The following STAM variants were observed in gnomAD, a reference collection of about 807,000 sequenced individuals.
STAM encodes signal transducing adaptor molecule.
STAM carries 16 observed loss-of-function variants against 63.4 expected under a neutral mutation model. That is an observed-to-expected ratio of 0.25 (90% CI 0.17 to 0.38). The LOEUF (loss-of-function observed/expected upper bound fraction) is 0.38, where lower values mean the gene tolerates loss of function less well. Among genes scored for constraint, STAM ranks in the 10% least tolerant of loss-of-function variants. STAM has a pLI of 1.00. For missense variants in STAM, 636 were observed against 657.1 expected (o/e 0.97, Z 0.35); for synonymous variants, 238 against 223.9 (o/e 1.06, Z -0.56).
chr10:17,661,531 T>C (rs1343798767), intron 2 of STAM, among the ~76,000 whole-genome samples: 2 of 152,266 alleles, frequency 1.3e-5, no homozygotes, highest in African/African-American at 2.4e-5. Flanking sequence ...ACTAGTCTTA[T>C]GGACACTGCA....
At chr10:17,700,787 G>C (rs770033572) in intron 9 of STAM, among the ~76,000 whole-genome samples, 1 of 150,692 alleles carries the variant, frequency 6.6e-6, no homozygotes, top group Non-Finnish European at 1.5e-5. Context: ...TATTAAGATT[G>C]TTTGCACATG....
At chr10:17,657,581 C>T (rs1349579313) in intron 1 of STAM, among the ~76,000 whole-genome samples, 2 of 152,262 alleles carry the variant, frequency 1.3e-5, no homozygotes, top group African/African-American at 4.8e-5. Context: ...CACCAGTGAA[C>T]CCATCTGGGC....
chr10:17,671,356 C>G, intron 2 of STAM, among the ~76,000 whole-genome samples: 1 of 152,170 alleles, frequency 6.6e-6, no homozygotes, highest in East Asian at 1.9e-4. Context: ...TTTGTGCTTT[C>G]AAGAACTAAC....
intron 13 of STAM, among the ~76,000 whole-genome samples, chr10:17,712,761 G>A (rs1457049026): frequency 6.6e-6 from 1 of 152,202 alleles, no homozygotes; most frequent in Non-Finnish European, 1.5e-5. Flanking sequence ...ACAGGAAGTA[G>A]AGGCAGTGGA....
intron 4 of STAM, among the ~76,000 whole-genome samples, chr10:17,687,739 T>G (rs924739806): frequency 6.6e-6 from 1 of 152,222 alleles, no homozygotes; most frequent in Admixed American, 6.5e-5. Context: ...TTTCCTTGTC[T>G]TACTGATGTA....
At chr10:17,712,333 A>G (rs1836591211) in intron 13 of STAM, among the ~76,000 whole-genome samples, 1 of 152,326 alleles carries the variant, frequency 6.6e-6, no homozygotes, top group South Asian at 2.1e-4. Flanking sequence ...CATAGACTCT[A>G]TATTACGGCA....
chr10:17,698,198 C>G (rs1256849143), intron 8 of STAM, among the ~76,000 whole-genome samples: 1 of 152,108 alleles, frequency 6.6e-6, no homozygotes, highest in African/African-American at 2.4e-5. Flanking sequence ...CCCAGTCTTT[C>G]AATGATGTTT....
At chr10:17,664,222 T>C (rs1477996485) in intron 2 of STAM, among the ~76,000 whole-genome samples, 2 of 152,062 alleles carry the variant, frequency 1.3e-5, no homozygotes, top group Non-Finnish European at 2.9e-5. Flanking sequence ...AGGTGAGCAC[T>C]AAACTGTGGG....
At chr10:17,654,459 T>G (rs1833861546) in intron 1 of STAM, among the ~76,000 whole-genome samples, 1 of 152,114 alleles carries the variant, frequency 6.6e-6, no homozygotes, top group Non-Finnish European at 1.5e-5. Context: ...CCTGACCTCG[T>G]GATCCGCCCA....
chr10:17,700,073 C>A, intron 8 of STAM, 118 bp from the exon 9 acceptor site: 1 of 676,814 alleles, frequency 1.5e-6, no homozygotes, highest in Non-Finnish European at 2.3e-6. Flanking sequence ...TTAAATTGCG[C>A]CTTTTAGCTT....
At chr10:17,687,990 A>G in intron 4 of STAM, 37 bp from the exon 5 acceptor site, 6 of 1,513,512 alleles carry the variant, frequency 4.0e-6, no homozygotes, top group Admixed American at 2.2e-5. Flanking sequence ...ATTGGCTAGG[A>G]AATTGGTGCT....
At chr10:17,663,105 T>C (rs190734798) in intron 2 of STAM, among the ~76,000 whole-genome samples, 65 of 152,284 alleles carry the variant, frequency 4.3e-4, no homozygotes, top group Non-Finnish European at 8.5e-4. Context: ...AAATATTCCA[T>C]GTTTTTCCAG....
intron 6 of STAM, among the ~76,000 whole-genome samples, chr10:17,693,685 A>G (rs1165728607): frequency 3.3e-5 from 5 of 152,194 alleles, no homozygotes; most frequent in African/African-American, 9.7e-5. Context: ...TATCCAGTGT[A>G]CTAATGAGTG....
intron 2 of STAM, among the ~76,000 whole-genome samples, chr10:17,683,127 T>C (rs1022907012): frequency 3.3e-5 from 5 of 152,180 alleles, no homozygotes; most frequent in Admixed American, 1.3e-4. Flanking sequence ...CTGTCTTTTG[T>C]GTATCAATCA....
At chr10:17,700,375 G>A (rs1835939212) in intron 9 of STAM, 96 bp downstream of exon 9, 3 of 963,832 alleles carry the variant, frequency 3.1e-6, no homozygotes, top group Admixed American at 2.9e-5. Flanking sequence ...TTTTTTTGTT[G>A]TAAAAATTTT....
In STAM at chr10:17,695,100, C is replaced by G; in HGVS notation, c.587C>G (p.Thr196Ser). Residue 196 changes from threonine (T) to serine (S), a missense_variant, in exon 7 of 14, where the codon ACT (threonine) becomes AGT (serine). Physicochemically the swap from Thr to Ser is moderately conservative, Grantham distance 58. Transcript: ENST00000377524. ...AGGCAGCAGTCAACCACCCTTTCCA[C>G]TTTGTATCCAAGCACATCCAGTCTC... Reference protein sequence around the residue: ...EQRQQSTTLSTLYPSTSSLLT... With the variant: ...EQRQQSTTLSSLYPSTSSLLT... 6.2e-7 allele frequency: 1 copy of G among 1,614,076 alleles called. No individual in the cohort carries two copies. Among genetic ancestry groups the G allele is most frequent in the Non-Finnish European group, 8.5e-7 (1 of 1,179,962 alleles).
intron 2 of STAM, among the ~76,000 whole-genome samples, chr10:17,665,392 C>G (rs1834335457): frequency 6.6e-6 from 1 of 152,030 alleles, no homozygotes; most frequent in Admixed American, 6.5e-5. Context: ...TGTTTCGCTG[C>G]TCTCATCTTC....
chr10:17,689,675 C>T (rs1020089350), intron 5 of STAM, among the ~76,000 whole-genome samples: 2 of 152,160 alleles, frequency 1.3e-5, no homozygotes, highest in Non-Finnish European at 2.9e-5. Context: ...AAAGAGTAGA[C>T]TCACTGCAGA....
chr10:17,679,078 G>A (rs774154709), intron 2 of STAM, among the ~76,000 whole-genome samples: 50 of 152,118 alleles, frequency 3.3e-4, no homozygotes, highest in Non-Finnish European at 6.8e-4. Context: ...ATGGGTGTAC[G>A]GATATTGGTT....
Sources: allele counts gnomAD v4.1 joint callset (sites outside exome capture counted in the v4.1 genomes callset), GRCh38; gene constraint gnomAD v4.1.1; transcripts MANE v1.5; gene names NCBI Gene and HGNC (gene_info 2026-07-23, HGNC 2026-07-21).